Variants in TASP1 observed in about 807,000 individuals in gnomAD.
The protein encoded by TASP1 is taspase 1, also known as threonine aspartase 1.
Under a neutral mutation model 56.6 loss-of-function variants are expected in TASP1, and 16 were observed. The ratio of observed to expected loss-of-function variants is 0.28; its 90% CI spans 0.19 to 0.43. TASP1 has a LOEUF of 0.43. Ranked by LOEUF, TASP1 falls within the 20% of genes least tolerant of loss-of-function variation. The pLI, the probability that TASP1 is intolerant of heterozygous loss-of-function variation, is 1.00. For missense variants in TASP1, 393 were observed against 511.6 expected (o/e 0.77, Z 2.24); for synonymous variants, 179 against 184.2 (o/e 0.97, Z 0.23).
At chr20:13,490,133 C>T (rs1166863619) in intron 10 of TASP1, among the ~76,000 whole-genome samples, 2 of 152,080 alleles carry the variant, frequency 1.3e-5, no homozygotes, top group Non-Finnish European at 2.9e-5. Context: ...AGCAGCAATA[C>T]ACGAAAAAGA....
At chr20:13,394,786 T>C (rs1216102075) in intron 13 of TASP1, among the ~76,000 whole-genome samples, 1 of 152,146 alleles carries the variant, frequency 6.6e-6, no homozygotes, top group Non-Finnish European at 1.5e-5. Flanking sequence ...TTCTTGCTAA[T>C]TCCCTAAGAA....
At chr20:13,414,390 T>C (rs1289290990) in intron 13 of TASP1, among the ~76,000 whole-genome samples, 1 of 152,164 alleles carries the variant, frequency 6.6e-6, no homozygotes, top group Non-Finnish European at 1.5e-5. Context: ...ATGGTCAAGG[T>C]GTTGCCTGGT....
At chr20:13,483,131 G>T (rs1600950381) in intron 11 of TASP1, 96 bp downstream of exon 11, 1 of 840,446 alleles carries the variant, frequency 1.2e-6, no homozygotes, top group Non-Finnish European at 1.8e-6. Flanking sequence ...CCTAGAGGTA[G>T]GTCTAGAAAT....
chr20:13,509,033 C>T (rs2044228893), intron 10 of TASP1, among the ~76,000 whole-genome samples: 1 of 152,002 alleles, frequency 6.6e-6, no homozygotes, highest in Non-Finnish European at 1.5e-5. Flanking sequence ...CAGACAATTG[C>T]ACTCCAATGT....
the TASP1 span, among the ~76,000 whole-genome samples, chr20:13,195,834 T>C: frequency 1.1e-4 from 17 of 152,342 alleles, no homozygotes; most frequent in African/African-American, 4.1e-4. Context: ...TTAAGTTCTT[T>C]CTGTGTGTTT....
At chr20:13,221,713 C>G in the TASP1 span, 2 of 1,313,700 alleles carry the variant, frequency 1.5e-6, no homozygotes, top group Admixed American at 7.2e-5. Context: ...CTCCTCCTCC[C>G]CCGGCGTCAC....
chr20:13,300,937 T>C, the TASP1 span, among the ~76,000 whole-genome samples: 1 of 152,184 alleles, frequency 6.6e-6, no homozygotes, highest in Non-Finnish European at 1.5e-5. Flanking sequence ...GCAGGGCCAC[T>C]TCCACAGAAA....
intron 6 of TASP1, among the ~76,000 whole-genome samples, chr20:13,579,744 A>C (rs368412346): frequency 6.6e-6 from 1 of 152,072 alleles, no homozygotes; most frequent in East Asian, 1.9e-4. Flanking sequence ...TTCCCTTACC[A>C]CTGCTTTATC....
At chr20:13,555,516 G>A (rs1036714070) in intron 8 of TASP1, among the ~76,000 whole-genome samples, 1 of 151,238 alleles carries the variant, frequency 6.6e-6, no homozygotes, top group African/African-American at 2.4e-5. Context: ...CTCTTCACCT[G>A]TAAAGTTCTA....
At chr20:13,545,934 C>A (rs891151034) in intron 8 of TASP1, among the ~76,000 whole-genome samples, 1 of 152,164 alleles carries the variant, frequency 6.6e-6, no homozygotes, top group Non-Finnish European at 1.5e-5. Context: ...ATTAAGACTG[C>A]CATGTGAAAC....
chr20:13,283,607 A>G, the TASP1 span, among the ~76,000 whole-genome samples: 1 of 152,264 alleles, frequency 6.6e-6, no homozygotes, highest in African/African-American at 2.4e-5. Flanking sequence ...AGTCAGCTCA[A>G]CTGTGGAAAG....
chr20:13,474,887 T>G (rs2044664636), intron 11 of TASP1, among the ~76,000 whole-genome samples: 1 of 152,212 alleles, frequency 6.6e-6, no homozygotes, highest in South Asian at 2.1e-4. Context: ...TAATGATTAG[T>G]GATATTGAGC....
At chr20:13,154,070 A>T in the TASP1 span, 1 of 1,614,156 alleles carries the variant, frequency 6.2e-7, no homozygotes, top group Admixed American at 1.7e-5. Context: ...AGGAAATGGG[A>T]TTCATTATCT....
chr20:13,413,767 A>G (rs1285820642), intron 13 of TASP1, among the ~76,000 whole-genome samples: 1 of 152,172 alleles, frequency 6.6e-6, no homozygotes, highest in Non-Finnish European at 1.5e-5. Context: ...TCGTTCCGGG[A>G]AGATCTATAC....
chr20:13,133,551 A>C, the TASP1 span, among the ~76,000 whole-genome samples: 1 of 152,078 alleles, frequency 6.6e-6, no homozygotes, highest in African/African-American at 2.4e-5. Flanking sequence ...CTGGCCAACA[A>C]GGCAAAACCC....
chr20:13,309,582 G>A, the TASP1 span, among the ~76,000 whole-genome samples: 1 of 152,076 alleles, frequency 6.6e-6, no homozygotes, highest in Non-Finnish European at 1.5e-5. Flanking sequence ...GCACAGTTCT[G>A]GAAATCTTAG....
chr20:13,523,357 C>A (rs1181369656), intron 10 of TASP1, among the ~76,000 whole-genome samples: 1 of 152,164 alleles, frequency 6.6e-6, no homozygotes, highest in Non-Finnish European at 1.5e-5. Context: ...GCAATGACCA[C>A]ATGGCATTTG....
At chr20:13,425,012 G>A (rs187959731) in intron 12 of TASP1, among the ~76,000 whole-genome samples, 5 of 152,170 alleles carry the variant, frequency 3.3e-5, no homozygotes, top group African/African-American at 1.2e-4. Flanking sequence ...TGAGCTGCAC[G>A]TGTGCACTTC....
chr20:13,445,079 A>C (rs1329273591), intron 11 of TASP1, among the ~76,000 whole-genome samples: 3 of 152,188 alleles, frequency 2.0e-5, no homozygotes, highest in African/African-American at 7.2e-5. Flanking sequence ...AAAAGATAGG[A>C]AGAGTCACCT....
Sources: gnomAD v4.1 joint callset for allele counts (sites outside exome capture counted in the v4.1 genomes callset) on GRCh38, gnomAD v4.1.1 for gene constraint, MANE v1.5 for transcripts, NCBI Gene and HGNC (gene_info 2026-07-23, HGNC 2026-07-21) for gene names.